ACACA: variants seen among roughly 807,000 people sequenced by gnomAD.
The protein encoded by ACACA is acetyl-CoA carboxylase alpha, also known as acetyl-CoA carboxylase 1.
ACACA carries 103 observed loss-of-function variants against 296.1 expected under a neutral mutation model. The ratio of observed to expected loss-of-function variants is 0.35; its 90% CI spans 0.30 to 0.41. ACACA has a LOEUF of 0.41. Ranked by LOEUF, ACACA falls within the 10% of genes least tolerant of loss-of-function variation. The pLI, the probability that ACACA is intolerant of heterozygous loss-of-function variation, is 1.00. For missense variants in ACACA, 1,554 were observed against 2,989.7 expected (o/e 0.52, Z 11.20); for synonymous variants, 953 against 1,038.6 (o/e 0.92, Z 1.58).
At chr17:37,268,236 G>GT (rs1183985373) in intron 10 of ACACA, among the ~76,000 whole-genome samples, 10 of 152,118 alleles carry the variant, frequency 6.6e-5, no homozygotes, top group Non-Finnish European at 2.9e-5. Context: ...TCAATTGAGT[G>GT]GTTGATAAGC....
At chr17:37,396,404 T>G (rs1242442925) in intron 1 of ACACA, among the ~76,000 whole-genome samples, 2 of 152,226 alleles carry the variant, frequency 1.3e-5, no homozygotes, top group East Asian at 3.9e-4. Context: ...GTTTTGCCAT[T>G]TCTTCATTTT....
At chr17:37,250,901 C>T (rs1414600486) in intron 16 of ACACA, among the ~76,000 whole-genome samples, 2 of 152,058 alleles carry the variant, frequency 1.3e-5, no homozygotes. Context: ...GTGGCAGGTG[C>T]CTGTAGTCCC....
intron 38 of ACACA, 74 bp downstream of exon 38, chr17:37,191,046 A>G (rs539008949): frequency 2.5e-5 from 39 of 1,554,918 alleles, no homozygotes; most frequent in Middle Eastern, 1.7e-4. Flanking sequence ...TTCCAAGTCC[A>G]AGTGAGATAA....
chr17:37,181,406 G>A, intron 39 of ACACA, 50 bp from the exon 40 acceptor site: 1 of 1,607,498 alleles, frequency 6.2e-7, no homozygotes. Context: ...AAAAAAATCA[G>A]AGAGCTGCCT....
At chr17:37,301,770 A>C (rs2083630024) in intron 3 of ACACA, among the ~76,000 whole-genome samples, 1 of 152,188 alleles carries the variant, frequency 6.6e-6, no homozygotes, top group Admixed American at 6.6e-5. Flanking sequence ...TCCCTTTTCA[A>C]AAGTGTTTTG....
intron 3 of ACACA, among the ~76,000 whole-genome samples, chr17:37,321,728 A>G (rs1380274614): frequency 6.6e-6 from 1 of 151,900 alleles, no homozygotes; most frequent in Non-Finnish European, 1.5e-5. Flanking sequence ...AGCCTGGGCG[A>G]CAGAGCGAGA....
chr17:37,251,551 T>A (rs146264400), intron 16 of ACACA, among the ~76,000 whole-genome samples: 2 of 152,226 alleles, frequency 1.3e-5, no homozygotes, highest in Non-Finnish European at 2.9e-5. Flanking sequence ...GAAATTAGTT[T>A]AGCCCCATAG....
chr17:37,110,087 G>A (rs2073901945), intron 52 of ACACA, among the ~76,000 whole-genome samples: 1 of 152,092 alleles, frequency 6.6e-6, no homozygotes, highest in African/African-American at 2.4e-5. Context: ...AAAAAAAAAG[G>A]GAAAAGAAAA....
rs115225623 is a variant in ACACA at position 37,265,414 on chromosome 17, G to A, written c.1120-1520C>T. ...CAAAGTCTCATCCAATCATGGCATT[G>A]GGCTTGACGTCCATTTTCTCATGAG... On this transcript the variant is annotated intron_variant, in intron 10 of 55. Transcript: ENST00000616317. Among the ~76,000 whole-genome samples the A allele has an allele frequency of 2.7e-3, 413 of 152,224 alleles. 2 individuals carry two copies. Among genetic ancestry groups the A allele is most frequent in the African/African-American group, 9.1e-3 (379 of 41,544 alleles).
At chr17:37,202,270 TTATTGC>T (rs1451016750) in intron 33 of ACACA, among the ~76,000 whole-genome samples, 2 of 152,188 alleles carry the variant, frequency 1.3e-5, no homozygotes, top group Admixed American at 6.5e-5. Context: ...ATCAAAATTG[TTATTGC>T]TTTTAAAATT....
rs1159662907 is a variant in ACACA, at chr17:37,174,005, TATATATATATA to T, written c.5079+5244_5079+5254del. Among the ~76,000 whole-genome samples the T allele has an allele frequency of 3.9e-3, 56 of 14,468 alleles. 3 individuals carry two copies. Among genetic ancestry groups the T allele is most frequent in the East Asian group, 0.027 (16 of 594 alleles). The allele number at this position is 14,468 out of a possible 152,430, so 9.5% of individuals were successfully genotyped here. On this transcript the variant is annotated intron_variant, in intron 41 of 55. Transcript: ENST00000616317. The stretch of plus-strand genomic sequence containing the variant: ...ATTTATATATATATATATATATATA[TATATATATATA>T]TATATTTTTTTTTTTTTTTTTTTTT...
chr17:37,349,506 ATATC>A (rs1358482359), intron 1 of ACACA, among the ~76,000 whole-genome samples: 1 of 148,358 alleles, frequency 6.7e-6, no homozygotes, highest in Non-Finnish European at 1.5e-5. Flanking sequence ...TTACATATAT[ATATC>A]TTACATATGT....
intron 8 of ACACA, 133 bp downstream of exon 8, chr17:37,275,818 T>C: frequency 2.5e-6 from 2 of 806,830 alleles, no homozygotes; most frequent in Non-Finnish European, 2.2e-6. Flanking sequence ...AGCTAGGAGC[T>C]ACAAGGTACC....
At chr17:37,227,120 C>T (rs1567845708) in intron 25 of ACACA, among the ~76,000 whole-genome samples, 3 of 152,040 alleles carry the variant, frequency 2.0e-5, no homozygotes, top group South Asian at 4.1e-4. Context: ...ACTATAGAAT[C>T]CATGGTTTAT....
Position 37,299,306 on chromosome 17 carries a change from C to T in ACACA, c.339-14336G>A, listed in dbSNP as rs768777182. 3 of 1,613,868 alleles carry T rather than the reference C, an allele frequency of 1.9e-6. No individual in the cohort carries two copies. The Admixed American group carries it at 5.0e-5, about 27-fold the overall frequency. ...TTTGAAGCATGTAATATCTCATTTC[C>T]TTATTTTCCTCTGGAGAACCCTCCA... On this transcript the variant is annotated intron_variant, in intron 3 of 55. Coordinates refer to ENST00000616317, the MANE Select transcript of ACACA (RefSeq NM_198834.3).
chr17:37,347,436 C>T (rs1008822477), intron 1 of ACACA, among the ~76,000 whole-genome samples: 11 of 152,102 alleles, frequency 7.2e-5, no homozygotes, highest in Admixed American at 1.3e-4. Context: ...GCTGGGACTA[C>T]GCACACACTA....
chr17:37,382,996 C>A (rs557886965), intron 1 of ACACA, among the ~76,000 whole-genome samples: 1 of 152,300 alleles, frequency 6.6e-6, no homozygotes, highest in East Asian at 1.9e-4. Context: ...AAGATCACAC[C>A]ACTGCATTCC....
rs922739840 is a variant in ACACA, at chr17:37,301,340, C to G, written c.339-16370G>C. On this transcript the variant is annotated intron_variant, in intron 3 of 55. Transcript: ENST00000616317. ...ATTTCTCCAAATTTAAAGCATCCCC[C>G]TTTTAATCTACCATGAACAGTGTCC... The G allele has an allele frequency of 1.0e-5, 10 of 982,998 alleles. No homozygotes were observed. In the Admixed American group the frequency reaches 4.9e-4, roughly 48 times the overall value. 60.9% of individuals were successfully genotyped at this position (982,998 alleles called of 1,614,324 possible). A position where few individuals can be genotyped will look rare whatever the true frequency, so the allele number is the denominator to read the frequency against.
At chr17:37,102,199 C>T (rs1014547929) in intron 52 of ACACA, among the ~76,000 whole-genome samples, 2 of 106,092 alleles carry the variant, frequency 1.9e-5, no homozygotes, top group Non-Finnish European at 1.8e-5. Flanking sequence ...GCATCCAGCT[C>T]TTTTTTTTTT....
Sources: allele counts gnomAD v4.1 joint callset (sites outside exome capture counted in the v4.1 genomes callset), GRCh38; gene constraint gnomAD v4.1.1; transcripts MANE v1.5; gene names NCBI Gene and HGNC (gene_info 2026-07-23, HGNC 2026-07-21).